The following AP3D1 variants were observed in gnomAD, a reference collection of about 807,000 sequenced individuals.
The protein encoded by AP3D1 is AP-3 complex subunit delta-1.
In AP3D1, 51 loss-of-function variants were observed where a neutral mutation model predicts 147.6. The ratio of observed to expected loss-of-function variants is 0.35; its 90% confidence interval spans 0.28 to 0.44. The LOEUF (loss-of-function observed/expected upper bound fraction) is 0.44. AP3D1 is among the 20% of genes least tolerant of loss of function. The pLI is 1.00. For synonymous variants in AP3D1, 760 were observed against 663.0 expected, an observed-to-expected ratio of 1.15 and a Z score of -2.25; for missense variants, 1,421 against 1,624.2, an observed-to-expected ratio of 0.87 and a Z score of 2.15.
At chr19:2,133,093 C>G (rs989313443) in intron 4 of AP3D1, among the ~76,000 whole-genome samples, 2 of 152,230 alleles carry the variant, frequency 1.3e-5, no homozygotes, top group Admixed American at 1.3e-4. Context: ...TCACGTATCA[C>G]TGGCAGCTCC....
At chr19:2,103,814 C>T (rs1038453001) in intron 31 of AP3D1, among the ~76,000 whole-genome samples, 1 of 152,188 alleles carries the variant, frequency 6.6e-6, no homozygotes. Flanking sequence ...GAGAGGCCCT[C>T]GGCAGACCCC....
chr19:2,104,572 G>A lies in AP3D1; in HGVS notation c.3553-2304C>T, dbSNP rs140970799. On this transcript the variant is annotated intron_variant, in intron 31 of 31. Transcript: ENST00000643116. ...CCAAGACACCAATGCCAAGGCCATT[G>A]GCAGAAACCAACACGAAGACCCCAA... Among the ~76,000 whole-genome samples the A allele has an allele frequency of 1.9e-4, 28 of 150,336 alleles. 1 individual carries two copies. Among genetic ancestry groups the A allele is most frequent in the African/African-American group, 5.9e-4 (24 of 40,832 alleles).
chr19:2,122,046 G>A (rs2018627061), intron 11 of AP3D1, among the ~76,000 whole-genome samples, 167 bp from the exon 12 acceptor site: 1 of 152,180 alleles, frequency 6.6e-6, no homozygotes, highest in Non-Finnish European at 1.5e-5. Flanking sequence ...CACGAGGGAT[G>A]TCGCCCTAGC....
In AP3D1 at chr19:2,121,115, G is replaced by A. The variant is rs1343072340; in HGVS notation, c.1251-23C>T. ...TACCTGTGGGGCAGAGGCGGTGAGT[G>A]AGCGGCGCCACGGAACCCCCGGCCA... On this transcript the variant is annotated intron_variant, in intron 13 of 31. Coordinates refer to ENST00000643116, the MANE Select transcript of AP3D1 (RefSeq NM_001261826.3). The A allele has an allele frequency of 9.3e-6, 15 of 1,613,634 alleles. No homozygotes were observed. In the Middle Eastern group the frequency reaches 4.9e-4, roughly 53 times the overall value.
chr19:2,142,449 T>A (rs1325851199), intron 1 of AP3D1, among the ~76,000 whole-genome samples: 1 of 152,010 alleles, frequency 6.6e-6, no homozygotes, highest in African/African-American at 2.4e-5. Flanking sequence ...CGCACCTGGC[T>A]GGCGCTTTTT....
At chr19:2,148,327 C>T (rs560949455) in intron 1 of AP3D1, among the ~76,000 whole-genome samples, 5 of 152,264 alleles carry the variant, frequency 3.3e-5, no homozygotes, top group African/African-American at 4.8e-5. Context: ...CTACTTCTCA[C>T]GCTTTTTGGA....
chr19:2,138,460 C>T (rs796748392), intron 2 of AP3D1, among the ~76,000 whole-genome samples, 159 bp downstream of exon 2: 9 of 152,322 alleles, frequency 5.9e-5, no homozygotes, highest in South Asian at 2.1e-4. Context: ...ACCAACATGG[C>T]TTTCTGCTCC....
intron 29 of AP3D1, 150 bp from the exon 30 acceptor site, chr19:2,109,357 G>T (rs1318237363): frequency 1.8e-6 from 2 of 1,084,152 alleles, no homozygotes; most frequent in Admixed American, 2.7e-5. Context: ...GGAAGGTGTG[G>T]CTCATTTTCA....
intron 1 of AP3D1, among the ~76,000 whole-genome samples, chr19:2,160,138 C>G (rs1460998698): frequency 1.3e-5 from 2 of 152,170 alleles, no homozygotes; most frequent in Admixed American, 1.3e-4. Context: ...CGTGAGCCAC[C>G]GTGCCCAGCC....
At chr19:2,127,226 G>A (rs373920523) in intron 8 of AP3D1, 25 bp from the exon 9 acceptor site, 22 of 1,612,446 alleles carry the variant, frequency 1.4e-5, no homozygotes, top group South Asian at 7.7e-5. Context: ...ACAGGGAAGC[G>A]GCATGAGGAC....
chr19:2,162,272 G>A (rs1480510466), intron 1 of AP3D1, among the ~76,000 whole-genome samples: 2 of 149,338 alleles, frequency 1.3e-5, no homozygotes, highest in Admixed American at 6.6e-5. Flanking sequence ...TCCTGACCTC[G>A]TGATCCACCC....
chr19:2,141,976 G>A (rs2019233020), intron 1 of AP3D1, among the ~76,000 whole-genome samples: 1 of 149,436 alleles, frequency 6.7e-6, no homozygotes, highest in African/African-American at 2.5e-5. Context: ...GTATATACTT[G>A]TTTACATATA....
intron 1 of AP3D1, among the ~76,000 whole-genome samples, chr19:2,158,229 C>T (rs34656141): frequency 0.29 from 43,670 of 151,752 alleles, 7,785 homozygotes; most frequent in Non-Finnish European, 0.41. Context: ...CTAATTTTTT[C>T]GTATTTTTAG....
intron 24 of AP3D1, 174 bp from the exon 25 acceptor site, chr19:2,112,002 G>T: frequency 9.7e-7 from 1 of 1,030,730 alleles, no homozygotes; most frequent in South Asian, 1.6e-5. Flanking sequence ...GCCAGACCAG[G>T]CCCAGCGGAG....
intron 5 of AP3D1, among the ~76,000 whole-genome samples, chr19:2,130,830 C>T (rs1026339158): frequency 2.0e-5 from 3 of 152,250 alleles, no homozygotes; most frequent in Non-Finnish European, 1.5e-5. Flanking sequence ...ACACAGGGAA[C>T]GAGGGTGTGC....
intron 9 of AP3D1, among the ~76,000 whole-genome samples, chr19:2,125,835 G>GAA (rs11420028): frequency 1.2e-3 from 168 of 145,672 alleles, no homozygotes; most frequent in East Asian, 3.4e-3. Flanking sequence ...AGTAAAGCTA[G>GAA]AAAAAAAAAA....
chr19:2,155,977 C>T (rs560678281), upstream of AP3D1, among the ~76,000 whole-genome samples: 4 of 150,818 alleles, frequency 2.7e-5, no homozygotes, highest in Non-Finnish European at 4.4e-5. Context: ...GGCGTGTACC[C>T]GGGAGGCGGA....
intron 1 of AP3D1, among the ~76,000 whole-genome samples, chr19:2,140,399 G>C (rs921806117): frequency 4.6e-5 from 7 of 151,924 alleles, no homozygotes; most frequent in African/African-American, 1.5e-4. Flanking sequence ...CTAGTGGCCT[G>C]AAACAGGAAC....
At chr19:2,123,983 G>A (rs1230838514) in intron 9 of AP3D1, 104 bp from the exon 10 acceptor site, 11 of 1,279,618 alleles carry the variant, frequency 8.6e-6, no homozygotes, top group Admixed American at 2.0e-5. Flanking sequence ...GAGGAGGGAT[G>A]GGAGGGAGGA....
Sources: allele counts gnomAD v4.1 joint callset (sites outside exome capture counted in the v4.1 genomes callset), GRCh38; gene constraint gnomAD v4.1.1; transcripts MANE v1.5; gene names NCBI Gene and HGNC (gene_info 2026-07-23, HGNC 2026-07-21).